The following ZNF626 variants were observed in gnomAD, a reference collection of about 807,000 sequenced individuals.
ZNF626 encodes the protein zinc finger protein 626.
A neutral mutation model predicts 11.7 loss-of-function variants in ZNF626; 4 were observed. That is an observed-to-expected ratio of 0.34 (90% confidence interval 0.17 to 0.78). ZNF626 has a LOEUF of 0.78. Ranked by LOEUF, ZNF626 falls within the 30% of genes least tolerant of loss-of-function variation. ZNF626 has a pLI of 0.57. For synonymous variants in ZNF626, 179 were observed against 198.6 expected, an observed-to-expected ratio of 0.90 and a Z score of 0.83; for missense variants, 588 against 587.1, an observed-to-expected ratio of 1.00 and a Z score of -0.01.
intron 3 of ZNF626, among the ~76,000 whole-genome samples, chr19:20,633,635 T>C (rs951704617): frequency 3.3e-5 from 5 of 152,210 alleles, no homozygotes; most frequent in Non-Finnish European, 7.3e-5. Context: ...TTAAGCCCGT[T>C]GGAAAAGCGC....
At chr19:20,655,746 C>A (rs1970197658) in intron 1 of ZNF626, among the ~76,000 whole-genome samples, 1 of 151,762 alleles carries the variant, frequency 6.6e-6, no homozygotes. Flanking sequence ...CATCGTGAAA[C>A]CCCGTCTCTA....
intron 3 of ZNF626, among the ~76,000 whole-genome samples, chr19:20,643,240 G>A (rs181967534): frequency 2.0e-5 from 3 of 151,936 alleles, no homozygotes; most frequent in Admixed American, 6.6e-5. Context: ...TACACAAAAC[G>A]AAACTGCTGT....
At chr19:20,646,480 A>G in intron 1 of ZNF626, 75 bp from the exon 2 acceptor site, 1 of 1,608,340 alleles carries the variant, frequency 6.2e-7, no homozygotes, top group African/African-American at 1.3e-5. Context: ...AGGTGAAATA[A>G]GAGAGTAAAG....
chr19:20,661,029 C>G (rs1164726703), intron 1 of ZNF626, among the ~76,000 whole-genome samples: 1 of 152,212 alleles, frequency 6.6e-6, no homozygotes, highest in African/African-American at 2.4e-5. Context: ...AGGCGTGAGC[C>G]ACAGCGTCCG....
intron 1 of ZNF626, among the ~76,000 whole-genome samples, chr19:20,657,215 C>T (rs979026387): frequency 6.6e-6 from 1 of 151,760 alleles, no homozygotes; most frequent in Non-Finnish European, 1.5e-5. Flanking sequence ...ACAGAAAATA[C>T]AAAATGAAAA....
intron 3 of ZNF626, among the ~76,000 whole-genome samples, chr19:20,640,980 CA>C (rs1270898343): frequency 6.6e-6 from 1 of 151,786 alleles, no homozygotes; most frequent in African/African-American, 2.4e-5. Context: ...ACTAAAAATA[CA>C]AAAAACTAGC....
Position 20,645,384 on chromosome 19 carries a change from C to A in ZNF626, c.226+300G>T, listed in dbSNP as rs369015719. The A allele has an allele frequency of 5.6e-6, 9 of 1,595,840 alleles. No homozygotes were observed. In the African/African-American group the frequency reaches 9.5e-5, roughly 17 times the overall value. On this transcript the variant is annotated intron_variant, in intron 3 of 3. Coordinates refer to ENST00000601440, the MANE Select transcript of ZNF626 (RefSeq NM_001076675.3). ...CAAAAATTATGGAAAAGCAGCCACA[C>A]TGTGCAGTCTCTTATATGTCATGAA...
Position 20,620,400 on chromosome 19 carries a change from AT to A in ZNF626, c.*3889del, listed in dbSNP as rs1555768537. ...TGCATATTTACCAAACACTCATTTC[AT>A]AATTTTCTTACACCTAAGGTTTATC... is the stretch of plus-strand genomic sequence containing the variant. On this transcript the variant is annotated 3_prime_UTR_variant, in exon 4 of 4. Coordinates refer to ENST00000601440, the MANE Select transcript of ZNF626 (RefSeq NM_001076675.3). The A allele has an allele frequency of 6.6e-6, 1 of 152,194 alleles. No individual in the cohort carries two copies. Among genetic ancestry groups the A allele is most frequent in the Non-Finnish European group, 1.5e-5 (1 of 68,034 alleles). The allele number at this position is 152,194 out of a possible 1,614,324, so 9.4% of individuals were successfully genotyped here.
intron 3 of ZNF626, among the ~76,000 whole-genome samples, chr19:20,632,303 T>C (rs1318815938): frequency 5.9e-5 from 9 of 152,148 alleles, no homozygotes; most frequent in African/African-American, 2.2e-4. Flanking sequence ...CTTTGTGGCG[T>C]TCTCTGTATT....
chr19:20,625,190 G>C lies in ZNF626; in HGVS notation c.687C>G (p.Tyr229Ter), dbSNP rs372875967. 155 of 1,613,276 alleles carry C rather than the reference G, an allele frequency of 9.6e-5. No individual in the cohort carries two copies. The Admixed American group carries it at 1.1e-3, about 12-fold the overall frequency. Reference protein sequence around the residue: ...HKKIHTGEKPYKCEECGKAFK... With the variant: ...HKKIHTGEKP ...AGGCTTTGCCACATTCTTCACATTT[G>C]TAGGGTTTCTCTCCAGTATGAATTT... The change falls in exon 4 of 4, where the codon TAC (tyrosine) becomes TAG (stop). Residue 229 changes from tyrosine (Y) to a stop codon, truncating the protein, a stop_gained. Transcript: ENST00000601440. LOFTEE classifies it low-confidence loss of function (END_TRUNC).
chr19:20,630,203 G>C (rs1312751464), intron 3 of ZNF626, among the ~76,000 whole-genome samples: 1 of 152,108 alleles, frequency 6.6e-6, no homozygotes, highest in Non-Finnish European at 1.5e-5. Flanking sequence ...GAGGATTTTT[G>C]CATCGATGTT....
At chr19:20,642,342 A>G (rs1555771551) in intron 3 of ZNF626, among the ~76,000 whole-genome samples, 1 of 152,028 alleles carries the variant, frequency 6.6e-6, no homozygotes, top group Admixed American at 6.6e-5. Flanking sequence ...GCTCATGACT[A>G]TAATTGCAGC....
chr19:20,661,118 C>T (rs915335811), intron 1 of ZNF626, among the ~76,000 whole-genome samples: 4 of 152,372 alleles, frequency 2.6e-5, no homozygotes, highest in East Asian at 3.9e-4. Flanking sequence ...TGAACCCGCA[C>T]CCCGAGTCAG....
chr19:20,629,687 A>G (rs1485291734), intron 3 of ZNF626, among the ~76,000 whole-genome samples: 1 of 152,136 alleles, frequency 6.6e-6, no homozygotes, highest in African/African-American at 2.4e-5. Context: ...GGCTGAGACA[A>G]TGGGGTTTTC....
intron 3 of ZNF626, among the ~76,000 whole-genome samples, chr19:20,630,952 C>T (rs1222645403): frequency 2.6e-5 from 4 of 151,212 alleles, no homozygotes; most frequent in Non-Finnish European, 5.9e-5. Context: ...TGAATGTGTC[C>T]CAGAGATTCT....
At position 20,622,066 on chromosome 19, in the gene ZNF626, A is replaced by G. The variant is rs1344309596; in HGVS notation, c.*2224T>C. On this transcript the variant is annotated 3_prime_UTR_variant, in exon 4 of 4. Transcript: ENST00000601440. ...GCCAGGCGTGGTGTCACGCACCTGT[A>G]GTCCCCACTACTCGGGAGGCTGAGG... is the stretch of plus-strand genomic sequence containing the variant. 6.6e-6 allele frequency: 1 copy of G among 152,218 alleles called. No individual in the cohort carries two copies. The highest frequency in any genetic ancestry group is 1.5e-5 in the Non-Finnish European group (1 of 68,066). The allele number at this position is 152,218 out of a possible 1,614,324, so 9.4% of individuals were successfully genotyped here.
Position 20,622,221 on chromosome 19 carries a change from T to C in ZNF626, c.*2069A>G, listed in dbSNP as rs1969765680. On this transcript the variant is annotated 3_prime_UTR_variant, in exon 4 of 4. Coordinates refer to ENST00000601440, the MANE Select transcript of ZNF626 (RefSeq NM_001076675.3). ...AAAAGTTAAGTAAGTAAATAAAATA[T>C]AAGTTAAGTTCACACATCATCTAAC... The C allele has an allele frequency of 6.6e-6, 1 of 152,180 alleles. No homozygotes were observed. The highest frequency in any genetic ancestry group is 6.5e-5 in the Admixed American group (1 of 15,282). 9.4% of individuals were successfully genotyped at this position (152,180 alleles called of 1,614,324 possible).
chr19:20,620,467 A>G lies in ZNF626; in HGVS notation c.*3823T>C, dbSNP rs1247633187. 2 of 152,208 alleles carry G rather than the reference A, an allele frequency of 1.3e-5. No homozygotes were observed. The highest frequency in any genetic ancestry group is 4.8e-5 in the African/African-American group (2 of 41,462). 9.4% of individuals were successfully genotyped at this position (152,208 alleles called of 1,614,324 possible). ...GTATATTTCACTCTATGAAAATTAA[A>G]AGTCTTTACGTTTGCAGGCAGAGTG... On this transcript the variant is annotated 3_prime_UTR_variant, in exon 4 of 4. Coordinates refer to ENST00000601440, the MANE Select transcript of ZNF626 (RefSeq NM_001076675.3).
At chr19:20,658,589 C>T (rs529028446) in intron 1 of ZNF626, among the ~76,000 whole-genome samples, 2 of 152,300 alleles carry the variant, frequency 1.3e-5, no homozygotes, top group South Asian at 4.1e-4. Flanking sequence ...GTGTGACAGC[C>T]TGTGTACAGG....
Sources: gnomAD v4.1 joint callset for allele counts (sites outside exome capture counted in the v4.1 genomes callset) on GRCh38, gnomAD v4.1.1 for gene constraint, MANE v1.5 for transcripts, NCBI Gene and HGNC (gene_info 2026-07-23, HGNC 2026-07-21) for gene names.